The following PAPPA2 variants were observed in gnomAD, a reference collection of about 807,000 sequenced individuals.
PAPPA2 encodes the protein pappalysin 2.
PAPPA2 carries 86 observed loss-of-function variants against 176.4 expected under a neutral mutation model. That is an observed-to-expected ratio of 0.49 (90% CI 0.41 to 0.58). PAPPA2 has a LOEUF of 0.58. PAPPA2 is among the 20% of genes least tolerant of loss of function. The pLI, the probability that PAPPA2 is intolerant of heterozygous loss-of-function variation, is 0.00. For synonymous variants in PAPPA2, 809 were observed against 852.2 expected (o/e 0.95, Z 0.88); for missense variants, 2,073 against 2,256.9 (o/e 0.92, Z 1.65).
intron 5 of PAPPA2, chr1:176,691,099 C>T (rs538605064): frequency 7.1e-6 from 7 of 985,240 alleles, no homozygotes; most frequent in African/African-American, 1.7e-5. Context: ...TATTATTCTT[C>T]GCTGTCTCTC....
At chr1:176,678,927 T>C (rs187969620) in intron 4 of PAPPA2, among the ~76,000 whole-genome samples, 1 of 152,190 alleles carries the variant, frequency 6.6e-6, no homozygotes, top group East Asian at 1.9e-4. Context: ...TTGATTTTGA[T>C]CGGTAGAGAT....
In PAPPA2 at chr1:176,595,110, A is replaced by G. The variant is rs369811464; in HGVS notation, c.1506A>G (p.Thr502=). The stretch of plus-strand genomic sequence containing the variant: ...TGCAGCCCCCACTCTGTGGGCAAAC[A>G]GTCTGTGACAATGTGGAATTGATCT... ...SPLQPPLCGQ[T]VCDNVELISQ... is the part of the protein sequence containing the mutation. Residue 502 remains threonine (T), a synonymous_variant, in exon 3 of 23, where the codon ACA becomes ACG. Coordinates refer to ENST00000367662, the MANE Select transcript of PAPPA2 (RefSeq NM_020318.3). 10 of 1,614,118 alleles carry G rather than the reference A, an allele frequency of 6.2e-6. No homozygotes were observed. Among genetic ancestry groups the G allele is most frequent in the East Asian group, 2.2e-5 (1 of 44,866 alleles).
Position 176,556,552 on chromosome 1 carries a change from A to ACTAC in PAPPA2, c.234_237dup (p.Arg80ProfsTer22). 1 of 1,614,210 alleles carries ACTAC rather than the reference A, an allele frequency of 6.2e-7. No individual in the cohort carries two copies. On this transcript the variant is annotated frameshift_variant, in exon 2 of 23. Transcript: ENST00000367662. LOFTEE classifies it high-confidence loss of function. ...GGAGTCTACCCCAGCAGGGCTGGGA[A>ACTAC]CTACCTAAGGCCCTACCCCGTGGGG...
At chr1:176,805,991 CAAAAAA>C (rs11439850) in intron 21 of PAPPA2, among the ~76,000 whole-genome samples, 2 of 76,634 alleles carry the variant, frequency 2.6e-5, no homozygotes, top group African/African-American at 5.3e-5. Flanking sequence ...CTGTCTCTCT[CAAAAAA>C]AAAAAAAAAA....
In PAPPA2 at chr1:176,595,601, G is replaced by C; in HGVS notation, c.1991+6G>C. 1 of 1,601,884 alleles carries C rather than the reference G, an allele frequency of 6.2e-7. No homozygotes were observed. The highest frequency in any genetic ancestry group is 1.3e-5 in the African/African-American group (1 of 74,814). ...GACCCTGACTCACCCAAGAGGTAAG[G>C]GACTGGGATTTGGGGTGTCCTACTT... On this transcript the variant is annotated splice_donor_region_variant and intron_variant, in intron 3 of 22. Coordinates refer to ENST00000367662, the MANE Select transcript of PAPPA2 (RefSeq NM_020318.3).
intron 3 of PAPPA2, among the ~76,000 whole-genome samples, chr1:176,615,608 T>A (rs1207441290): frequency 2.0e-5 from 3 of 152,192 alleles, no homozygotes; most frequent in African/African-American, 7.2e-5. Flanking sequence ...ATTACAGGCG[T>A]CAGCCACCAC....
intron 1 of PAPPA2, among the ~76,000 whole-genome samples, chr1:176,529,139 G>C (rs563159567): frequency 3.6e-4 from 55 of 152,194 alleles, no homozygotes; most frequent in Admixed American, 1.2e-3. Flanking sequence ...AGGAGAAAAG[G>C]AAGTCTTTAG....
intron 21 of PAPPA2, among the ~76,000 whole-genome samples, chr1:176,817,991 G>A (rs1302929419): frequency 6.6e-6 from 1 of 152,132 alleles, no homozygotes; most frequent in East Asian, 1.9e-4. Flanking sequence ...AGTTAGCAGA[G>A]GAAGTGAAGC....
At chr1:176,810,187 A>G (rs573699072) in intron 21 of PAPPA2, among the ~76,000 whole-genome samples, 10 of 152,224 alleles carry the variant, frequency 6.6e-5, no homozygotes, top group African/African-American at 2.4e-4. Context: ...CTTTAGGAAA[A>G]CAGGAAAGGG....
At chr1:176,752,020 T>G (rs1571272097) in intron 14 of PAPPA2, among the ~76,000 whole-genome samples, 1 of 67,874 alleles carries the variant, frequency 1.5e-5, no homozygotes, top group Non-Finnish European at 2.7e-5. Context: ...CCATAAAAAA[T>G]GATGAGTTCA....
In PAPPA2 at chr1:176,618,503, A is replaced by G. The variant is rs138676246; in HGVS notation, c.1991+22908A>G. Among the ~76,000 whole-genome samples, 50 of 152,358 alleles carry G rather than the reference A, an allele frequency of 3.3e-4. 1 individual carries two copies. Among genetic ancestry groups the G allele is most frequent in the African/African-American group, 1.2e-3 (49 of 41,586 alleles). ...TTGCTCCATATTAGTTGATATTTTA[A>G]TTAATGAGCTTTTGCCAGTTTATTT... On this transcript the variant is annotated intron_variant, in intron 3 of 22. Transcript: ENST00000367662.
intron 3 of PAPPA2, among the ~76,000 whole-genome samples, chr1:176,606,441 G>T (rs1045985982): frequency 6.6e-6 from 1 of 152,124 alleles, no homozygotes. Context: ...TATGGGCTTA[G>T]GGATTAGGAA....
chr1:176,795,184 TC>T (rs1665371515), intron 20 of PAPPA2, among the ~76,000 whole-genome samples: 1 of 151,394 alleles, frequency 6.6e-6, no homozygotes, highest in African/African-American at 2.4e-5. Flanking sequence ...TATTTTCTCA[TC>T]CCTTTTTTTT....
At chr1:176,682,563 C>G (rs182246076) in intron 4 of PAPPA2, among the ~76,000 whole-genome samples, 1 of 152,018 alleles carries the variant, frequency 6.6e-6, no homozygotes, top group Admixed American at 6.6e-5. Flanking sequence ...TGCAGGCATA[C>G]AATGTGTGGT....
intron 21 of PAPPA2, among the ~76,000 whole-genome samples, chr1:176,820,784 G>A (rs1282972361): frequency 1.0e-4 from 15 of 150,516 alleles, no homozygotes; most frequent in Admixed American, 2.0e-4. Flanking sequence ...AACATTAGAG[G>A]CTTCCAAAGC....
At chr1:176,519,033 T>C (rs1649072056) in intron 1 of PAPPA2, among the ~76,000 whole-genome samples, 1 of 152,202 alleles carries the variant, frequency 6.6e-6, no homozygotes, top group African/African-American at 2.4e-5. Context: ...GACATACTAA[T>C]ATAATTTATT....
At chr1:176,628,846 ATCTT>A (rs2102705226) in intron 3 of PAPPA2, among the ~76,000 whole-genome samples, 2 of 152,330 alleles carry the variant, frequency 1.3e-5, no homozygotes, top group African/African-American at 4.8e-5. Flanking sequence ...ATAAAGTTCG[ATCTT>A]TCTTTCTGGT....
At chr1:176,789,311 C>T (rs12239199) in intron 17 of PAPPA2, among the ~76,000 whole-genome samples, 61,757 of 151,502 alleles carry the variant, frequency 0.41, 14,007 homozygotes, top group African/African-American at 0.6. Context: ...GACAAAAAAC[C>T]AAACACTGCA....
chr1:176,529,132 A>C (rs1204869021), intron 1 of PAPPA2, among the ~76,000 whole-genome samples: 1 of 152,196 alleles, frequency 6.6e-6, no homozygotes, highest in Non-Finnish European at 1.5e-5. Context: ...AGAATTAAGG[A>C]GAAAAGGAAG....
Sources: gnomAD v4.1 joint callset for allele counts (sites outside exome capture counted in the v4.1 genomes callset) on GRCh38, gnomAD v4.1.1 for gene constraint, MANE v1.5 for transcripts, NCBI Gene and HGNC (gene_info 2026-07-23, HGNC 2026-07-21) for gene names.